DACH2: variants seen among roughly 807,000 people sequenced by gnomAD.
The protein encoded by DACH2 is dachshund homolog 2.
Under a neutral mutation model 35.8 loss-of-function variants are expected in DACH2, and 17 were observed. The observed-to-expected ratio is 0.48, with a 90% CI of 0.33 to 0.71. DACH2 has a LOEUF of 0.71. DACH2 is among the 30% of genes least tolerant of loss of function. The pLI is 0.02. For missense variants in DACH2, 469 were observed against 472.7 expected, an observed-to-expected ratio of 0.99 and a Z score of 0.07; for synonymous variants, 195 against 177.3, an observed-to-expected ratio of 1.10 and a Z score of -0.79.
intron 1 of DACH2, among the ~76,000 whole-genome samples, chrX:86,219,908 C>A (rs2032662568): frequency 9.4e-6 from 1 of 106,606 alleles, no homozygotes; most frequent in Non-Finnish European, 1.9e-5. Context: ...GTAATCCCAG[C>A]ACTTTGGGAG....
At chrX:86,457,595 T>C (rs1319576849) in intron 2 of DACH2, among the ~76,000 whole-genome samples, 1 of 112,356 alleles carries the variant, frequency 8.9e-6, no homozygotes. Flanking sequence ...AGGAATGCAA[T>C]AATGAATAAA....
intron 1 of DACH2, among the ~76,000 whole-genome samples, chrX:86,334,701 T>G (rs142614051): frequency 0.02 from 2,202 of 112,096 alleles, 48 homozygotes; most frequent in African/African-American, 0.068. Flanking sequence ...TCTCCCATTC[T>G]GTAGGTTGCC....
chrX:86,550,946 G>A (rs1442818381), intron 3 of DACH2, among the ~76,000 whole-genome samples: 1 of 111,640 alleles, frequency 9.0e-6, no homozygotes, highest in Non-Finnish European at 1.9e-5. Context: ...GGGGAATATG[G>A]CTTCAGTGTC....
chrX:86,192,708 G>T (rs181910828), intron 1 of DACH2, among the ~76,000 whole-genome samples: 13 of 112,199 alleles, frequency 1.2e-4, no homozygotes, highest in African/African-American at 4.2e-4. Context: ...ATAGTCAATT[G>T]CCAGTAAGTA....
At chrX:86,194,519 C>A (rs1305402512) in intron 1 of DACH2, among the ~76,000 whole-genome samples, 1 of 111,898 alleles carries the variant, frequency 8.9e-6, no homozygotes, top group East Asian at 2.8e-4. Context: ...AACCCTGCAC[C>A]AGGCTACTGC....
At chrX:86,181,900 C>G in intron 1 of DACH2, among the ~76,000 whole-genome samples, 1 of 112,053 alleles carries the variant, frequency 8.9e-6, no homozygotes, top group Non-Finnish European at 1.9e-5. Flanking sequence ...GATGGTATCT[C>G]ATTGTGGTTT....
intron 7 of DACH2, among the ~76,000 whole-genome samples, chrX:86,744,194 T>G (rs748003223): frequency 1.8e-5 from 2 of 111,229 alleles, no homozygotes; most frequent in Non-Finnish European, 3.8e-5. Flanking sequence ...TGTGGAATGG[T>G]AGAATATTAC....
At position 86,431,638 on chromosome X, in the gene DACH2, A is replaced by G. The variant is rs374907506; in HGVS notation, c.527+54776A>G. Among the ~76,000 whole-genome samples the G allele has an allele frequency of 2.7e-4, 30 of 111,863 alleles. No homozygotes were observed. The East Asian group carries it at 3.4e-3, about 13-fold the overall frequency. On this transcript the variant is annotated intron_variant, in intron 2 of 11. Coordinates refer to ENST00000373125, the MANE Select transcript of DACH2 (RefSeq NM_053281.3). ...CTTCCATATCATATGTTACATCACC[A>G]CAGCATTGTAACAATAATAATAAAG...
At chrX:86,419,445 AG>A (rs1325639000) in intron 2 of DACH2, among the ~76,000 whole-genome samples, 1 of 112,113 alleles carries the variant, frequency 8.9e-6, no homozygotes, top group Non-Finnish European at 1.9e-5. Flanking sequence ...ACAGGCAAAA[AG>A]CAAGAGAGCT....
intron 3 of DACH2, among the ~76,000 whole-genome samples, chrX:86,622,987 A>G (rs978888879): frequency 1.3e-4 from 15 of 112,009 alleles, no homozygotes; most frequent in African/African-American, 4.9e-4. Context: ...ACTATTGAAG[A>G]TCTTTATATC....
chrX:86,407,866 A>G (rs2036549914), intron 2 of DACH2, among the ~76,000 whole-genome samples: 1 of 112,385 alleles, frequency 8.9e-6, no homozygotes, highest in Non-Finnish European at 1.9e-5. Context: ...TATTCTACAA[A>G]GCTTTCTGGT....
chrX:86,463,442 T>C (rs1213228518), intron 2 of DACH2, among the ~76,000 whole-genome samples: 1 of 110,804 alleles, frequency 9.0e-6, no homozygotes, highest in Non-Finnish European at 1.9e-5. Flanking sequence ...CCCTATTTAA[T>C]AAATGGTGCT....
intron 1 of DACH2, among the ~76,000 whole-genome samples, chrX:86,337,570 C>T (rs771145082): frequency 4.5e-5 from 5 of 112,073 alleles, no homozygotes; most frequent in Non-Finnish European, 7.5e-5. Context: ...AAGCACTAAA[C>T]ATGGAAAGGA....
chrX:86,528,669 G>T (rs925136535), intron 3 of DACH2, among the ~76,000 whole-genome samples: 1 of 111,900 alleles, frequency 8.9e-6, no homozygotes, highest in Admixed American at 9.5e-5. Context: ...ACAGTGTCTG[G>T]TATGCATTTT....
intron 3 of DACH2, among the ~76,000 whole-genome samples, chrX:86,564,355 T>C (rs993236599): frequency 8.9e-6 from 1 of 111,882 alleles, no homozygotes; most frequent in Non-Finnish European, 1.9e-5. Context: ...TTATGTTCAC[T>C]AATACAATTT....
rs532931018 is a variant in DACH2 at position 86,585,407 on chromosome X, T to G, written c.641-65629T>G. On this transcript the variant is annotated intron_variant, in intron 3 of 11. Transcript: ENST00000373125. Reference sequence around the variant, plus strand: ...AATTAATTAATTATTATCATTTAACTTTTATTTTAGGTTCGGGGTACACAT... The same window carrying G: ...AATTAATTAATTATTATCATTTAACGTTTATTTTAGGTTCGGGGTACACAT... Among the ~76,000 whole-genome samples the G allele has an allele frequency of 2.9e-4, 32 of 111,333 alleles. 1 individual carries two copies. The South Asian group carries it at 9.2e-3, about 32-fold the overall frequency.
intron 1 of DACH2, among the ~76,000 whole-genome samples, chrX:86,335,447 C>T (rs2035290021): frequency 9.0e-6 from 1 of 111,189 alleles, no homozygotes; most frequent in Admixed American, 9.6e-5. Context: ...GTTTGTAGTT[C>T]TCCTTGAATA....
At chrX:86,359,862 T>A (rs895884629) in intron 1 of DACH2, among the ~76,000 whole-genome samples, 2 of 111,076 alleles carry the variant, frequency 1.8e-5, no homozygotes, top group Non-Finnish European at 3.8e-5. Flanking sequence ...ATTTGATTCT[T>A]CTGTTCATTT....
At chrX:86,457,750 G>A (rs185768654) in intron 2 of DACH2, among the ~76,000 whole-genome samples, 19 of 112,290 alleles carry the variant, frequency 1.7e-4, no homozygotes, top group African/African-American at 6.1e-4. Flanking sequence ...TTGTTGGTCA[G>A]TCCTTTCTAA....
Sources: allele counts gnomAD v4.1 joint callset (sites outside exome capture counted in the v4.1 genomes callset), GRCh38; gene constraint gnomAD v4.1.1; transcripts MANE v1.5; gene names NCBI Gene and HGNC (gene_info 2026-07-23, HGNC 2026-07-21).